Variants in NUP42 observed in about 807,000 individuals in gnomAD.
NUP42 encodes nucleoporin NUP42.
NUP42 carries 47 observed loss-of-function variants against 35.9 expected under a neutral mutation model. That is an observed-to-expected ratio of 1.31 (90% CI 1.04 to 1.67). The LOEUF (loss-of-function observed/expected upper bound fraction) is 1.67, where lower values mean the gene tolerates loss of function less well. NUP42 is among the 40% of genes most tolerant of loss of function. The pLI, the probability that NUP42 is intolerant of heterozygous loss-of-function variation, is 0.00. For missense variants in NUP42, 514 were observed against 492.2 expected (o/e 1.04, Z -0.42); for synonymous variants, 173 against 173.3 (o/e 1.00, Z 0.01).
At chr7:23,187,264 C>T in intron 3 of NUP42, 118 bp downstream of exon 3, 1 of 669,472 alleles carries the variant, frequency 1.5e-6, no homozygotes, top group Non-Finnish European at 2.6e-6. Flanking sequence ...AGAGTTTGGG[C>T]ATTGTTTAAA....
chr7:23,192,194 T>C (rs1411947405), intron 3 of NUP42, among the ~76,000 whole-genome samples: 1 of 152,164 alleles, frequency 6.6e-6, no homozygotes, highest in African/African-American at 2.4e-5. Context: ...GTATAAGCTT[T>C]GACTCCCCAA....
At chr7:23,186,770 T>C (rs1785609165) in intron 2 of NUP42, among the ~76,000 whole-genome samples, 1 of 152,222 alleles carries the variant, frequency 6.6e-6, no homozygotes, top group South Asian at 2.1e-4. Context: ...CCATATGATA[T>C]GGTTACATAT....
intron 1 of NUP42, among the ~76,000 whole-genome samples, chr7:23,183,029 A>T (rs1354832527): frequency 6.6e-6 from 1 of 152,178 alleles, no homozygotes; most frequent in African/African-American, 2.4e-5. Flanking sequence ...TGGGACGCCC[A>T]GTTAAGGGCT....
chr7:23,183,598 C>T (rs911928066), intron 1 of NUP42, among the ~76,000 whole-genome samples: 5 of 152,000 alleles, frequency 3.3e-5, no homozygotes, highest in African/African-American at 1.2e-4. Flanking sequence ...CCTTTTATTT[C>T]CTCCACAATT....
intron 3 of NUP42, among the ~76,000 whole-genome samples, chr7:23,188,854 T>C (rs889604661): frequency 2.1e-4 from 32 of 152,140 alleles, no homozygotes; most frequent in African/African-American, 7.7e-4. Flanking sequence ...CATTGAGGAG[T>C]AGAACTACTT....
chr7:23,191,907 G>T (rs1785805779), intron 3 of NUP42, among the ~76,000 whole-genome samples: 1 of 152,126 alleles, frequency 6.6e-6, no homozygotes, highest in Non-Finnish European at 1.5e-5. Context: ...AGTCAAGGCG[G>T]CAGTGAGCCA....
chr7:23,183,683 A>G (rs1190567554), intron 1 of NUP42, among the ~76,000 whole-genome samples: 1 of 151,442 alleles, frequency 6.6e-6, no homozygotes, highest in Non-Finnish European at 1.5e-5. Flanking sequence ...AATTTGGCAG[A>G]CAAATTGTAT....
rs1785550631 is a variant in NUP42 at position 23,185,217 on chromosome 7, A to G, written c.269A>G (p.Asn90Ser). The G allele has an allele frequency of 6.2e-7, 1 of 1,614,138 alleles. No individual in the cohort carries two copies. The highest frequency in any genetic ancestry group is 8.5e-7 in the Non-Finnish European group (1 of 1,180,028). Residue 90 changes from asparagine (N) to serine (S), a missense_variant, in exon 2 of 7, where the codon AAC becomes AGC. Physicochemically the swap from Asn to Ser is conservative, Grantham distance 46 (BLOSUM62 1). Transcript: ENST00000258742. ...FSSFDSGAST[N>S]RKEGFGLSEN... is the part of the protein sequence containing the mutation. ...TCTTTTGATTCTGGAGCTTCAACTA[A>G]CAGGAAGGAAGGCTTTGGATTGTCT...
In NUP42 at chr7:23,200,429, T is replaced by C. The variant is rs138284235; in HGVS notation, c.956T>C (p.Leu319Pro). ...SSFGSPGFSG[L>P]PASLATGPVR... ...TTTGGATCACCTGGATTTTCAGGAC[T>C]TCCAGCTTCCTTGGCAACAGGTCCT... Residue 319 changes from leucine (L) to proline (P), a missense_variant, in exon 7 of 7, where the codon CTT (leucine) becomes CCT (proline). By Grantham distance (98) the Leu-to-Pro change is moderately conservative. Coordinates refer to ENST00000258742, the MANE Select transcript of NUP42 (RefSeq NM_007342.3). 1.9e-6 allele frequency: 3 copies of C among 1,614,240 alleles called. No homozygotes were observed. The Admixed American group carries it at 5.0e-5, about 27-fold the overall frequency.
chr7:23,188,126 TG>T, intron 3 of NUP42: 1 of 1,341,456 alleles, frequency 7.5e-7, no homozygotes, highest in Non-Finnish European at 9.6e-7. Flanking sequence ...GAGGAAACAG[TG>T]GGTACCTTGC....
At chr7:23,195,739 T>A in intron 3 of NUP42, 100 bp from the exon 4 acceptor site, 1 of 705,550 alleles carries the variant, frequency 1.4e-6, no homozygotes, top group Non-Finnish European at 2.4e-6. Flanking sequence ...TATGAAAATT[T>A]TCTAATCAAC....
At chr7:23,199,283 C>T (rs1562611820) in intron 5 of NUP42, 175 bp from the exon 6 acceptor site, 4 of 562,012 alleles carry the variant, frequency 7.1e-6, no homozygotes, top group Non-Finnish European at 1.3e-5. Flanking sequence ...GACTCATAGG[C>T]TCAAGCCCTT....
chr7:23,196,170 C>A, intron 4 of NUP42: 1 of 234,742 alleles, frequency 4.3e-6, no homozygotes, highest in Non-Finnish European at 8.1e-6. Flanking sequence ...AAATGAAACC[C>A]TTTTATCATT....
chr7:23,196,726 A>C lies in NUP42; in HGVS notation c.569A>C (p.Asn190Thr). 6.2e-7 allele frequency: 1 copy of C among 1,612,818 alleles called. No individual in the cohort carries two copies. Among genetic ancestry groups the C allele is most frequent in the African/African-American group, 1.3e-5 (1 of 75,024 alleles). The change falls in exon 5 of 7, where the codon AAT (asparagine) becomes ACT (threonine). Residue 190 changes from asparagine to threonine, a missense_variant. By Grantham distance (65) the Asn-to-Thr change is moderately conservative (BLOSUM62 0). Coordinates refer to ENST00000258742, the MANE Select transcript of NUP42 (RefSeq NM_007342.3). ...RLINQWRNRVNELKSLNISTK... is the reference protein window; with the variant it reads ...RLINQWRNRVTELKSLNISTK... ...ATAAATCAATGGAGGAACAGGGTAA[A>C]TGAACTGAAAAGTCTAAATATATCA...
At chr7:23,185,021 A>G (rs1369245700) in intron 1 of NUP42, 49 bp from the exon 2 acceptor site, 2 of 1,471,690 alleles carry the variant, frequency 1.4e-6, no homozygotes, top group South Asian at 1.2e-5. Flanking sequence ...AAAAGAAAAT[A>G]GAAAGAAAAG....
intron 1 of NUP42, among the ~76,000 whole-genome samples, chr7:23,182,742 C>CAAAAA (rs60397960): frequency 6.1e-4 from 45 of 74,130 alleles, no homozygotes; most frequent in African/African-American, 2.2e-3. Context: ...CTAAAAATAC[C>CAAAAA]AAAAAAAAAA....
Position 23,200,350 on chromosome 7 carries a change from C to T in NUP42, c.877C>T (p.Pro293Ser), listed in dbSNP as rs773653043. 1 of 1,612,228 alleles carries T rather than the reference C, an allele frequency of 6.2e-7. No individual in the cohort carries two copies. Among genetic ancestry groups the T allele is most frequent in the East Asian group, 2.2e-5 (1 of 44,868 alleles). ...TGCTCCAGCTTTTGGATTTGGGAAG[C>T]CTGAAGTCACATCGGCTGCATCATT... The part of the protein sequence containing the change: ...TSAPAFGFGK[P>S]EVTSAASFSF... The change falls in exon 7 of 7, where the codon CCT (proline) becomes TCT (serine). Residue 293 changes from proline to serine, a missense_variant. Coordinates refer to ENST00000258742, the MANE Select transcript of NUP42 (RefSeq NM_007342.3).
intron 2 of NUP42, 70 bp from the exon 3 acceptor site, chr7:23,186,982 C>A (rs1785615353): frequency 4.9e-6 from 5 of 1,023,096 alleles, no homozygotes; most frequent in South Asian, 3.1e-5. Flanking sequence ...TTGTGGAAAA[C>A]CATTAACAAT....
chr7:23,189,448 T>C (rs1302743303), intron 3 of NUP42, among the ~76,000 whole-genome samples: 2 of 152,120 alleles, frequency 1.3e-5, no homozygotes, highest in East Asian at 3.9e-4. Flanking sequence ...ACCTTGTCTC[T>C]ACAAAAAATA....
Sources: allele counts gnomAD v4.1 joint callset (sites outside exome capture counted in the v4.1 genomes callset), GRCh38; gene constraint gnomAD v4.1.1; transcripts MANE v1.5; gene names NCBI Gene and HGNC (gene_info 2026-07-23, HGNC 2026-07-21).